Variants in PPARGC1A observed in about 807,000 individuals in gnomAD.
The protein encoded by PPARGC1A is PPARG coactivator 1 alpha, also known as peroxisome proliferator-activated receptor gamma coactivator 1-alpha.
In PPARGC1A, 25 loss-of-function variants were observed where a neutral mutation model predicts 88.7. The ratio of observed to expected loss-of-function variants is 0.28; its 90% confidence interval spans 0.21 to 0.39. The LOEUF is 0.39. PPARGC1A is among the 10% of genes least tolerant of loss of function. PPARGC1A has a pLI of 1.00. For missense variants in PPARGC1A, 880 were observed against 968.7 expected, an observed-to-expected ratio of 0.91 and a Z score of 1.22; for synonymous variants, 363 against 355.6, an observed-to-expected ratio of 1.02 and a Z score of -0.24.
At chr4:24,166,542 T>A in the PPARGC1A span, among the ~76,000 whole-genome samples, 1 of 152,204 alleles carries the variant, frequency 6.6e-6, no homozygotes, top group Non-Finnish European at 1.5e-5. Context: ...CGTTAGAGGT[T>A]AGTGGAGTTG....
At chr4:24,026,523 C>A in the PPARGC1A span, among the ~76,000 whole-genome samples, 1,932 of 152,218 alleles carry the variant, frequency 0.013, 35 homozygotes, top group South Asian at 0.088. Flanking sequence ...AAAGACAAAA[C>A]CTCTTTCTAA....
chr4:23,873,535 C>T (rs73243622), intron 2 of PPARGC1A, among the ~76,000 whole-genome samples: 26,630 of 152,118 alleles, frequency 0.18, 3,272 homozygotes, highest in Non-Finnish European at 0.26. Flanking sequence ...TGAGTTTCTC[C>T]GTAGCTACCG....
the PPARGC1A span, among the ~76,000 whole-genome samples, chr4:24,109,684 C>T: frequency 6.6e-6 from 1 of 152,160 alleles, no homozygotes; most frequent in African/African-American, 2.4e-5. Flanking sequence ...TCCCTACAAT[C>T]GACCTTGAAA....
chr4:24,278,011 T>TA, the PPARGC1A span, among the ~76,000 whole-genome samples: 1 of 151,886 alleles, frequency 6.6e-6, no homozygotes, highest in Non-Finnish European at 1.5e-5. Flanking sequence ...CTTTGCTCTA[T>TA]AAAAATTTTG....
At chr4:24,094,483 G>T in the PPARGC1A span, among the ~76,000 whole-genome samples, 1 of 152,036 alleles carries the variant, frequency 6.6e-6, no homozygotes, top group Non-Finnish European at 1.5e-5. Context: ...ATAAGATACT[G>T]CATTAAGTGT....
chr4:23,899,662 A>G (rs1419890433), upstream of PPARGC1A, among the ~76,000 whole-genome samples: 7 of 152,208 alleles, frequency 4.6e-5, no homozygotes, highest in African/African-American at 1.4e-4. Context: ...GAAGCCAGAC[A>G]CACATAAAAG....
intron 10 of PPARGC1A, among the ~76,000 whole-genome samples, chr4:23,804,051 T>C (rs527573083): frequency 1.3e-5 from 2 of 152,266 alleles, no homozygotes; most frequent in African/African-American, 4.8e-5. Flanking sequence ...TTCTACCACA[T>C]GTAACATGCT....
the PPARGC1A span, among the ~76,000 whole-genome samples, chr4:24,090,006 A>G: frequency 3.3e-5 from 5 of 152,336 alleles, 1 homozygote; most frequent in Non-Finnish European, 7.4e-5. Context: ...GTGATATGAC[A>G]CATGCATTTT....
chr4:24,412,793 T>C, the PPARGC1A span, among the ~76,000 whole-genome samples: 1 of 152,222 alleles, frequency 6.6e-6, no homozygotes, highest in South Asian at 2.1e-4. Flanking sequence ...TGAAGTTTTA[T>C]GGGTACACAG....
At chr4:24,062,295 C>T in the PPARGC1A span, among the ~76,000 whole-genome samples, 1 of 152,156 alleles carries the variant, frequency 6.6e-6, no homozygotes, top group Non-Finnish European at 1.5e-5. Context: ...TGCCTCCTAA[C>T]GTTTCATAGG....
chr4:24,275,722 G>A, the PPARGC1A span, among the ~76,000 whole-genome samples: 1 of 152,184 alleles, frequency 6.6e-6, no homozygotes, highest in African/African-American at 2.4e-5. Flanking sequence ...GCATAAAACT[G>A]TTGGCCAAGA....
At chr4:24,123,597 C>T in the PPARGC1A span, among the ~76,000 whole-genome samples, 19 of 152,214 alleles carry the variant, frequency 1.2e-4, no homozygotes, top group African/African-American at 4.3e-4. Context: ...ATATTCCATG[C>T]TAAAGAGTTT....
intron 1 of PPARGC1A, among the ~76,000 whole-genome samples, chr4:23,896,963 C>G (rs1718673947): frequency 2.6e-5 from 4 of 152,300 alleles, no homozygotes; most frequent in South Asian, 4.1e-4. Context: ...TTCTGGAACA[C>G]AGCCCATCCC....
the PPARGC1A span, among the ~76,000 whole-genome samples, chr4:24,247,640 T>C: frequency 6.6e-6 from 1 of 152,214 alleles, no homozygotes; most frequent in Admixed American, 6.5e-5. Flanking sequence ...CCAAAGACTT[T>C]TGTGAAACAC....
chr4:24,443,158 TTGTC>T, the PPARGC1A span, among the ~76,000 whole-genome samples: 4 of 152,182 alleles, frequency 2.6e-5, no homozygotes, highest in Non-Finnish European at 2.9e-5. Context: ...AATTATATAT[TTGTC>T]TGGTTGGTCA....
At chr4:24,401,019 T>TC in the PPARGC1A span, among the ~76,000 whole-genome samples, 1,643 of 136,210 alleles carry the variant, frequency 0.012, 36 homozygotes, top group African/African-American at 0.038. Flanking sequence ...AATTTTCTTT[T>TC]TTTTTTTTTT....
the PPARGC1A span, among the ~76,000 whole-genome samples, chr4:24,124,732 T>A: frequency 6.6e-6 from 1 of 152,096 alleles, no homozygotes; most frequent in Non-Finnish European, 1.5e-5. Flanking sequence ...CAAACTAAAT[T>A]ACTAATCAAT....
chr4:23,974,756 C>T, the PPARGC1A span, among the ~76,000 whole-genome samples: 1 of 148,788 alleles, frequency 6.7e-6, no homozygotes, highest in African/African-American at 2.5e-5. Context: ...CCTCGGCCTC[C>T]CGAGTAGCTG....
chr4:24,213,735 G>A, the PPARGC1A span, among the ~76,000 whole-genome samples: 5 of 152,222 alleles, frequency 3.3e-5, no homozygotes, highest in South Asian at 1.0e-3. Flanking sequence ...TTGTGTGTGT[G>A]TGTGTAACAC....
Sources: gnomAD v4.1 joint callset for allele counts (sites outside exome capture counted in the v4.1 genomes callset) on GRCh38, gnomAD v4.1.1 for gene constraint, MANE v1.5 for transcripts, NCBI Gene and HGNC (gene_info 2026-07-23, HGNC 2026-07-21) for gene names.